The following OR7E24 variants were observed in gnomAD, a reference collection of about 807,000 sequenced individuals.
The protein encoded by OR7E24 is olfactory receptor family 7 subfamily E member 24.
For missense variants in OR7E24, 385 were observed against 410.3 expected (o/e 0.94, Z 0.53); for synonymous variants, 130 against 157.5 (o/e 0.83, Z 1.31).
chr19:9,230,518 T>C, the OR7E24 span, among the ~76,000 whole-genome samples: 2 of 152,200 alleles, frequency 1.3e-5, no homozygotes, highest in Non-Finnish European at 2.9e-5. Context: ...CTCTCCACTC[T>C]CTGCCATAAA....
At chr19:9,221,543 G>A in the OR7E24 span, among the ~76,000 whole-genome samples, 3 of 109,682 alleles carry the variant, frequency 2.7e-5, no homozygotes, top group African/African-American at 8.1e-5. Flanking sequence ...GTAGAGACGG[G>A]GTTATCACCG....
chr19:9,210,574 T>A, the OR7E24 span: 1 of 152,152 alleles, frequency 6.6e-6, no homozygotes, highest in Non-Finnish European at 1.5e-5. Flanking sequence ...GCAAGACATC[T>A]CAAAACAAAA....
chr19:9,239,488 A>C, the OR7E24 span, among the ~76,000 whole-genome samples: 6 of 152,058 alleles, frequency 3.9e-5, no homozygotes, highest in Non-Finnish European at 5.9e-5. Context: ...CAACTTCTTG[A>C]TAACAGCATT....
upstream of OR7E24, among the ~76,000 whole-genome samples, chr19:9,249,554 G>T (rs1351875660): frequency 2.6e-5 from 4 of 152,132 alleles, no homozygotes; most frequent in African/African-American, 7.2e-5. Context: ...AAAGAGAAAA[G>T]GATGCAGAAG....
upstream of OR7E24, among the ~76,000 whole-genome samples, chr19:9,246,430 T>G (rs2066130220): frequency 6.6e-6 from 1 of 151,738 alleles, no homozygotes; most frequent in African/African-American, 2.4e-5. Context: ...TACATTGCCA[T>G]TTACGTGGGA....
chr19:9,230,370 CT>C, the OR7E24 span, among the ~76,000 whole-genome samples: 4 of 152,136 alleles, frequency 2.6e-5, no homozygotes, highest in African/African-American at 9.7e-5. Context: ...TTTAAAGGTA[CT>C]TTAGTTTTCA....
chr19:9,245,825 G>A (rs765857250), upstream of OR7E24, among the ~76,000 whole-genome samples: 35 of 152,054 alleles, frequency 2.3e-4, no homozygotes, highest in Non-Finnish European at 4.0e-4. Flanking sequence ...GGGCCCAGTC[G>A]TGAAGGGCCC....
Position 9,251,786 on chromosome 19 carries a change from CA to C in OR7E24, c.732del (p.Ser245GlnfsTer27). 6.2e-7 allele frequency: 1 copy of C among 1,612,638 alleles called. No homozygotes were observed. The highest frequency in any genetic ancestry group is 8.5e-7 in the Non-Finnish European group (1 of 1,179,238). The stretch of plus-strand genomic sequence containing the variant: ...GTTTCCCCCATTCTGAGAGTTCCAA[CA>C]TCAGATGGGAAGTATAAAGCCTTCT... On this transcript the variant is annotated frameshift_variant, in exon 2 of 2. Transcript: ENST00000641946. LOFTEE classifies it low-confidence loss of function (END_TRUNC).
chr19:9,226,731 G>C, the OR7E24 span, among the ~76,000 whole-genome samples: 1 of 152,266 alleles, frequency 6.6e-6, no homozygotes, highest in African/African-American at 2.4e-5. Flanking sequence ...ATTAGACAAG[G>C]AGGAAAGTCT....
chr19:9,231,507 G>A, the OR7E24 span, among the ~76,000 whole-genome samples: 2 of 152,172 alleles, frequency 1.3e-5, no homozygotes, highest in South Asian at 2.1e-4. Context: ...TTGAACCTGC[G>A]AGGTGGAGGT....
At chr19:9,219,360 C>T in the OR7E24 span, 8 of 152,128 alleles carry the variant, frequency 5.3e-5, no homozygotes, top group South Asian at 6.2e-4. Flanking sequence ...GGAGTGAGAA[C>T]AGAAGGTGGG....
chr19:9,230,098 G>T, the OR7E24 span, among the ~76,000 whole-genome samples: 1 of 150,416 alleles, frequency 6.6e-6, no homozygotes, highest in African/African-American at 2.5e-5. Context: ...AAGCTGGAGT[G>T]CAATGGCACG....
chr19:9,235,979 C>T, the OR7E24 span: 1 of 1,611,958 alleles, frequency 6.2e-7, no homozygotes, highest in East Asian at 2.2e-5. Flanking sequence ...GTGATGTACG[C>T]CATGGTCACC....
chr19:9,234,342 A>G, the OR7E24 span, among the ~76,000 whole-genome samples: 1 of 152,208 alleles, frequency 6.6e-6, no homozygotes, highest in African/African-American at 2.4e-5. Context: ...TAACTATCTT[A>G]TAAGAAGAAG....
rs373055811 is a variant in OR7E24, at chr19:9,251,018, A to G, written c.-26A>G. Reference sequence around the variant, plus strand: ...TTAATTGCTTGTATCCAAAATATAGACACAGTGCTAGATGCTGGTTTACTT... The same window carrying G: ...TTAATTGCTTGTATCCAAAATATAGGCACAGTGCTAGATGCTGGTTTACTT... On this transcript the variant is annotated 5_prime_UTR_variant, in exon 1 of 1. Coordinates refer to ENST00000456448, the MANE Select transcript of OR7E24 (RefSeq NM_001079935.2). The G allele has an allele frequency of 1.2e-5, 18 of 1,491,764 alleles. No individual in the cohort carries two copies. The African/African-American group carries it at 2.4e-4, about 20-fold the overall frequency. The allele number at this position is 1,491,764 out of a possible 1,614,324, so 92.4% of individuals were successfully genotyped here. A position where few individuals can be genotyped will look rare whatever the true frequency, so the allele number is the denominator to read the frequency against.
the OR7E24 span, among the ~76,000 whole-genome samples, chr19:9,223,731 CTTCTTTTTTTTTTTTTTT>C: frequency 7.5e-6 from 1 of 133,732 alleles, no homozygotes; most frequent in Non-Finnish European, 1.5e-5. Context: ...GCATTTTTCT[CTTCTTTTTTTTTTTTTTT>C]TTTAATAGTA....
the OR7E24 span, among the ~76,000 whole-genome samples, chr19:9,231,372 G>C: frequency 6.6e-6 from 1 of 152,076 alleles, no homozygotes. Context: ...ATGAGGTCAC[G>C]AGATTGAGAC....
chr19:9,244,751 A>G (rs1309634840), upstream of OR7E24, among the ~76,000 whole-genome samples: 3 of 152,204 alleles, frequency 2.0e-5, no homozygotes, highest in African/African-American at 7.2e-5. Flanking sequence ...TCAAAATTAA[A>G]AAACCTTTGT....
chr19:9,214,763 G>A, the OR7E24 span: 58 of 1,613,854 alleles, frequency 3.6e-5, 1 homozygote, highest in South Asian at 4.3e-4. Flanking sequence ...CAAAGAGGAC[G>A]GGCTGCAGTT....
Sources: allele counts gnomAD v4.1 joint callset (sites outside exome capture counted in the v4.1 genomes callset), GRCh38; gene constraint gnomAD v4.1.1; transcripts MANE v1.5; gene names NCBI Gene and HGNC (gene_info 2026-07-23, HGNC 2026-07-21).